Variants in TATDN1 observed in about 807,000 individuals in gnomAD.
TATDN1 encodes the protein TatD DNase domain containing 1, also known as deoxyribonuclease TATDN1.
In TATDN1, 40 loss-of-function variants were observed where a neutral mutation model predicts 46.4. That is an observed-to-expected ratio of 0.86 (90% CI 0.67 to 1.12). The LOEUF (loss-of-function observed/expected upper bound fraction) is 1.12, where lower values mean the gene tolerates loss of function less well. Among genes scored for constraint, TATDN1 ranks in the 50% most tolerant of loss-of-function variants. The pLI is 0.00. For missense variants in TATDN1, 326 were observed against 348.4 expected, an observed-to-expected ratio of 0.94 and a Z score of 0.51; for synonymous variants, 95 against 105.6, an observed-to-expected ratio of 0.90 and a Z score of 0.62.
intron 1 of TATDN1, among the ~76,000 whole-genome samples, chr8:124,533,182 G>T (rs1254794859): frequency 1.3e-5 from 2 of 151,894 alleles, no homozygotes; most frequent in African/African-American, 4.8e-5. Context: ...AATCCGGGAG[G>T]TGGAGCTTGC....
rs181203777 is a variant in TATDN1 at position 124,537,690 on chromosome 8, C to T, written c.22+1335G>A. Among the ~76,000 whole-genome samples, 15 of 152,208 alleles carry T rather than the reference C, an allele frequency of 9.9e-5. No homozygotes were observed. The East Asian group carries it at 2.3e-3, about 24-fold the overall frequency. On this transcript the variant is annotated intron_variant, in intron 1 of 11. Transcript: ENST00000276692. ...TTTCTTTACGGAGTACTTCATGGCT[C>T]TTTATTCCATCTCCCTCATCAATTA...
intron 1 of TATDN1, among the ~76,000 whole-genome samples, chr8:124,534,429 A>C (rs1477664557): frequency 1.3e-5 from 2 of 152,172 alleles, no homozygotes; most frequent in Admixed American, 1.3e-4. Context: ...ATAGGAAAAA[A>C]TGCAAACTGC....
intron 11 of TATDN1, among the ~76,000 whole-genome samples, chr8:124,492,014 T>A (rs7005392): frequency 2.7e-5 from 4 of 149,504 alleles, no homozygotes; most frequent in South Asian, 2.1e-4. Context: ...CACTTTTGTC[T>A]TCCAGGCTAG....
In TATDN1 at chr8:124,522,940, G is replaced by T. The variant is rs200330253; in HGVS notation, c.85C>A (p.Gln29Lys). 5.0e-6 allele frequency: 8 copies of T among 1,612,326 alleles called. No individual in the cohort carries two copies. Among genetic ancestry groups the T allele is most frequent in the Non-Finnish European group, 6.8e-6 (8 of 1,178,766 alleles). ...CCTTAATAAAGGAAATATTTACCTT[G>T]ATGCTTTTGAACCCCCCTATAAATT... ...RGIYRGVQKH[Q>K]DDLQDVIGRA... Residue 29 changes from glutamine (Q) to lysine (K), a missense_variant, in exon 2 of 12, where the codon CAA becomes AAA. Gln to Lys is a moderately conservative substitution (Grantham distance 53). Coordinates refer to ENST00000276692, the MANE Select transcript of TATDN1 (RefSeq NM_032026.4).
intron 6 of TATDN1, among the ~76,000 whole-genome samples, chr8:124,509,935 G>A (rs913627800): frequency 3.3e-5 from 5 of 151,428 alleles, no homozygotes; most frequent in Non-Finnish European, 4.4e-5. Context: ...CTATTCGGCA[G>A]GCATGAGAAT....
intron 6 of TATDN1, among the ~76,000 whole-genome samples, chr8:124,511,511 C>T (rs184017852): frequency 6.6e-6 from 1 of 152,128 alleles, no homozygotes; most frequent in Non-Finnish European, 1.5e-5. Context: ...TCCTCCTACC[C>T]AAGAGAACAG....
chr8:124,535,467 C>A (rs910618139), intron 1 of TATDN1, among the ~76,000 whole-genome samples: 1 of 152,128 alleles, frequency 6.6e-6, no homozygotes, highest in South Asian at 2.1e-4. Context: ...CCATTTTGGA[C>A]ATGACCACCA....
At chr8:124,534,979 T>C (rs1821305678) in intron 1 of TATDN1, among the ~76,000 whole-genome samples, 1 of 152,232 alleles carries the variant, frequency 6.6e-6, no homozygotes, top group Non-Finnish European at 1.5e-5. Context: ...GAGACATGTA[T>C]GGGTTTTTAT....
chr8:124,505,665 G>A (rs572300411), intron 8 of TATDN1, among the ~76,000 whole-genome samples: 4 of 151,668 alleles, frequency 2.6e-5, no homozygotes, highest in Non-Finnish European at 5.9e-5. Context: ...TAGTTTGGAT[G>A]TATTTATATA....
intron 6 of TATDN1, 65 bp from the exon 7 acceptor site, chr8:124,508,753 T>C (rs1389073396): frequency 4.9e-6 from 5 of 1,014,330 alleles, no homozygotes; most frequent in Non-Finnish European, 7.1e-6. Context: ...AAGGTAATGA[T>C]GTCAAAAGAG....
intron 9 of TATDN1, 127 bp downstream of exon 9, chr8:124,504,144 C>CTTTG (rs1818207117): frequency 5.3e-6 from 4 of 757,572 alleles, no homozygotes; most frequent in Non-Finnish European, 6.3e-6. Context: ...CTGAAATTCC[C>CTTTG]AGCAAAGATC....
At chr8:124,502,635 T>A (rs954174444) in intron 9 of TATDN1, among the ~76,000 whole-genome samples, 3 of 152,098 alleles carry the variant, frequency 2.0e-5, no homozygotes, top group African/African-American at 7.2e-5. Context: ...TAGGAACTAG[T>A]CCAAATTGAA....
chr8:124,525,401 C>A (rs1193826899), intron 1 of TATDN1, among the ~76,000 whole-genome samples: 1 of 152,096 alleles, frequency 6.6e-6, no homozygotes, highest in Non-Finnish European at 1.5e-5. Context: ...CCCACCTTGG[C>A]CTCCCAAAAT....
At chr8:124,505,222 T>C (rs1197896561) in intron 8 of TATDN1, among the ~76,000 whole-genome samples, 1 of 150,798 alleles carries the variant, frequency 6.6e-6, no homozygotes, top group Non-Finnish European at 1.5e-5. Flanking sequence ...CCATCTCTAC[T>C]AAAAACACAA....
At chr8:124,518,600 A>G in intron 4 of TATDN1, 1 of 441,994 alleles carries the variant, frequency 2.3e-6, no homozygotes, top group South Asian at 3.7e-5. Context: ...AAATCTTAAA[A>G]TAATCTTCAT....
intron 9 of TATDN1, among the ~76,000 whole-genome samples, chr8:124,500,941 A>C (rs1048252790): frequency 5.9e-5 from 9 of 152,170 alleles, no homozygotes; most frequent in Non-Finnish European, 1.0e-4. Flanking sequence ...AAACAAACCT[A>C]GAAGTAGATA....
chr8:124,523,795 T>C (rs943047877), intron 1 of TATDN1, among the ~76,000 whole-genome samples: 7 of 152,140 alleles, frequency 4.6e-5, no homozygotes, highest in African/African-American at 1.7e-4. Flanking sequence ...CTGCCGATAC[T>C]GAGGGAAGAC....
chr8:124,529,331 C>G (rs1586673642), intron 1 of TATDN1, among the ~76,000 whole-genome samples: 1 of 152,216 alleles, frequency 6.6e-6, no homozygotes. Flanking sequence ...AATCCCAACA[C>G]TCGGAATTAA....
At chr8:124,530,083 TCA>T (rs1442195835) in intron 1 of TATDN1, among the ~76,000 whole-genome samples, 2 of 147,144 alleles carry the variant, frequency 1.4e-5, no homozygotes, top group African/African-American at 5.2e-5. Flanking sequence ...AGGCCAAGAC[TCA>T]GTCTCAAAAA....
Sources: gnomAD v4.1 joint callset for allele counts (sites outside exome capture counted in the v4.1 genomes callset) on GRCh38, gnomAD v4.1.1 for gene constraint, MANE v1.5 for transcripts, NCBI Gene and HGNC (gene_info 2026-07-23, HGNC 2026-07-21) for gene names.